The following NKAIN3 variants were observed in gnomAD, a reference collection of about 807,000 sequenced individuals.
The protein encoded by NKAIN3 is sodium/potassium transporting ATPase interacting 3.
Under a neutral mutation model 30.2 loss-of-function variants are expected in NKAIN3, and 25 were observed. The ratio of observed to expected loss-of-function variants is 0.83; its 90% CI spans 0.60 to 1.16. NKAIN3 has a LOEUF of 1.16. Among genes scored for constraint, NKAIN3 ranks in the 50% most tolerant of loss-of-function variants. NKAIN3 has a pLI of 0.00. For missense variants in NKAIN3, 225 were observed against 254.1 expected (o/e 0.89, Z 0.78); for synonymous variants, 91 against 89.6 (o/e 1.02, Z -0.09).
At chr8:62,652,117 A>G (rs923329155) in intron 3 of NKAIN3, among the ~76,000 whole-genome samples, 5 of 152,074 alleles carry the variant, frequency 3.3e-5, no homozygotes, top group South Asian at 2.1e-4. Context: ...TAGGGGGTCC[A>G]TCTCCCTGAC....
At chr8:62,671,364 G>C (rs1813297862) in intron 3 of NKAIN3, among the ~76,000 whole-genome samples, 1 of 152,094 alleles carries the variant, frequency 6.6e-6, no homozygotes, top group Non-Finnish European at 1.5e-5. Context: ...TAAAAACTTA[G>C]TGCCGAGATT....
chr8:62,360,381 A>G (rs908591744), intron 1 of NKAIN3, among the ~76,000 whole-genome samples: 12 of 152,232 alleles, frequency 7.9e-5, no homozygotes, highest in African/African-American at 2.7e-4. Flanking sequence ...TTTTGAAGGC[A>G]TAAGAAAGCC....
chr8:62,926,572 C>T (rs550598505), intron 5 of NKAIN3, among the ~76,000 whole-genome samples: 98 of 152,054 alleles, frequency 6.4e-4, no homozygotes, highest in Middle Eastern at 3.4e-3. Flanking sequence ...CTGTCAGTGC[C>T]GCAGATCACC....
At chr8:62,636,015 A>T (rs772632320) in intron 3 of NKAIN3, among the ~76,000 whole-genome samples, 2 of 152,188 alleles carry the variant, frequency 1.3e-5, no homozygotes, top group Non-Finnish European at 2.9e-5. Context: ...ATACAAGTTC[A>T]GTCTGCACCA....
chr8:62,319,460 T>C (rs948677451), intron 1 of NKAIN3, among the ~76,000 whole-genome samples: 9 of 152,210 alleles, frequency 5.9e-5, no homozygotes, highest in African/African-American at 2.2e-4. Flanking sequence ...CTTTCTCTTG[T>C]GGGCATTTAG....
intron 3 of NKAIN3, among the ~76,000 whole-genome samples, chr8:62,728,094 G>T (rs1815316570): frequency 6.6e-6 from 1 of 152,020 alleles, no homozygotes; most frequent in Admixed American, 6.6e-5. Context: ...TATAACAACT[G>T]GGCAACCACT....
chr8:62,587,675 C>T (rs955274626), intron 2 of NKAIN3, among the ~76,000 whole-genome samples: 3 of 151,992 alleles, frequency 2.0e-5, no homozygotes, highest in African/African-American at 7.2e-5. Flanking sequence ...GATTATCCCT[C>T]TACCTCGGTT....
chr8:62,527,417 C>A (rs1382708379), intron 1 of NKAIN3, among the ~76,000 whole-genome samples: 7 of 152,114 alleles, frequency 4.6e-5, no homozygotes, highest in Admixed American at 2.0e-4. Context: ...TTAGTCAGGA[C>A]AACAGACCAG....
At chr8:62,566,951 A>ATAGGATATATATAATC (rs1209039845) in intron 1 of NKAIN3, among the ~76,000 whole-genome samples, 1 of 152,274 alleles carries the variant, frequency 6.6e-6, no homozygotes, top group Admixed American at 6.5e-5. Context: ...TTAGTAGTAT[A>ATAGGATATATATAATC]TAGGATATAT....
chr8:62,513,318 G>T (rs116499544), intron 1 of NKAIN3, among the ~76,000 whole-genome samples: 1 of 150,876 alleles, frequency 6.6e-6, no homozygotes, highest in Admixed American at 6.6e-5. Flanking sequence ...AACTATCTCC[G>T]TCAGCAAAAT....
At chr8:62,843,243 A>C (rs1472150466) in intron 4 of NKAIN3, among the ~76,000 whole-genome samples, 1 of 151,806 alleles carries the variant, frequency 6.6e-6, no homozygotes, top group African/African-American at 2.4e-5. Context: ...AAGGCAAGGA[A>C]ATGGATTGTC....
At chr8:62,964,578 G>GTGTGTA (rs1178300747) in intron 6 of NKAIN3, among the ~76,000 whole-genome samples, 5 of 145,174 alleles carry the variant, frequency 3.4e-5, no homozygotes, top group African/African-American at 1.3e-4. Flanking sequence ...GTGTGTGTGT[G>GTGTGTA]CTTCCCCACA....
At chr8:62,270,202 C>G (rs1163004167) in intron 1 of NKAIN3, among the ~76,000 whole-genome samples, 1 of 152,076 alleles carries the variant, frequency 6.6e-6, no homozygotes, top group East Asian at 1.9e-4. Context: ...ACCTCAGTCT[C>G]CTGAGTAGCT....
intron 4 of NKAIN3, among the ~76,000 whole-genome samples, chr8:62,883,490 A>T (rs1821057750): frequency 2.6e-5 from 1 of 38,994 alleles, no homozygotes; most frequent in African/African-American, 1.4e-4. Context: ...TTCTACATAG[A>T]AGATCATGTC....
At chr8:62,305,555 C>T (rs563886594) in intron 1 of NKAIN3, among the ~76,000 whole-genome samples, 1 of 150,594 alleles carries the variant, frequency 6.6e-6, no homozygotes, top group Non-Finnish European at 1.5e-5. Flanking sequence ...ATTTTTAAAA[C>T]TCAAGTTTCA....
chr8:62,594,357 C>T (rs1563475264), intron 3 of NKAIN3, among the ~76,000 whole-genome samples: 1 of 152,036 alleles, frequency 6.6e-6, no homozygotes, highest in Non-Finnish European at 1.5e-5. Context: ...GGAAATTCCT[C>T]ATTAGCCATT....
intron 5 of NKAIN3, among the ~76,000 whole-genome samples, chr8:62,927,947 A>G (rs1445311450): frequency 6.6e-6 from 1 of 152,216 alleles, no homozygotes; most frequent in Non-Finnish European, 1.5e-5. Context: ...ATTATTTAAG[A>G]TTTAATGGAG....
chr8:62,979,055 C>G lies in NKAIN3; in HGVS notation c.*13648C>G, dbSNP rs1239331694. The stretch of plus-strand genomic sequence containing the variant: ...TCCGTGGGCTGCACCCACTGTCTAA[C>G]CAGTCCCAGTGAGATGAACCGAGTA... On this transcript the variant is annotated 3_prime_UTR_variant, in exon 7 of 7. Transcript: ENST00000623646. 1 of 152,792 alleles carries G rather than the reference C, an allele frequency of 6.5e-6. No homozygotes were observed. The highest frequency in any genetic ancestry group is 1.5e-5 in the Non-Finnish European group (1 of 68,416). 9.5% of individuals were successfully genotyped at this position (152,792 alleles called of 1,614,324 possible).
chr8:62,326,184 CT>C (rs1381884717), intron 1 of NKAIN3, among the ~76,000 whole-genome samples: 1 of 151,478 alleles, frequency 6.6e-6, no homozygotes, highest in Non-Finnish European at 1.5e-5. Flanking sequence ...TATATTGCAT[CT>C]TTTTTTTCTA....
Sources: gnomAD v4.1 joint callset for allele counts (sites outside exome capture counted in the v4.1 genomes callset) on GRCh38, gnomAD v4.1.1 for gene constraint, MANE v1.5 for transcripts, NCBI Gene and HGNC (gene_info 2026-07-23, HGNC 2026-07-21) for gene names.